HPS3: variants seen among roughly 807,000 people sequenced by gnomAD.
HPS3 encodes BLOC-2 complex member HPS3.
Under a neutral mutation model 110.9 loss-of-function variants are expected in HPS3, and 79 were observed. The ratio of observed to expected loss-of-function variants is 0.71; its 90% CI spans 0.59 to 0.86. HPS3 has a LOEUF of 0.86. Among genes scored for constraint, HPS3 ranks in the 40% least tolerant of loss-of-function variants. The pLI is 0.00. For missense variants in HPS3, 1,197 were observed against 1,206.2 expected, an observed-to-expected ratio of 0.99 and a Z score of 0.11; for synonymous variants, 428 against 451.0, an observed-to-expected ratio of 0.95 and a Z score of 0.65.
In HPS3 at chr3:149,148,399, C is replaced by CTTTTT. The variant is rs66720211; in HGVS notation, c.1164-2183_1164-2179dup. On this transcript the variant is annotated intron_variant, in intron 5 of 16. Transcript: ENST00000296051. ...TCTCCCAGAGTTAAGCATATCAAGA[C>CTTTTT]TTTTTTTTTTTTTTTTTTTTTGAGA... 3.1e-3 allele frequency among the ~76,000 whole-genome samples: 312 copies of CTTTTT among 100,338 alleles called. 10 individuals carry two copies. The highest frequency in any genetic ancestry group is 4.0e-3 in the Non-Finnish European group (213 of 53,258). The allele number at this position is 100,338 out of a possible 152,430, so 65.8% of individuals were successfully genotyped here.
At chr3:149,168,579 G>T (rs1205988541) in intron 16 of HPS3, 1 of 152,254 alleles carries the variant, frequency 6.6e-6, no homozygotes, top group Non-Finnish European at 1.5e-5. Context: ...TAAAATATTA[G>T]AAATTGACAG....
intron 16 of HPS3, among the ~76,000 whole-genome samples, chr3:149,171,020 C>T (rs911845738): frequency 5.3e-5 from 8 of 152,088 alleles, no homozygotes; most frequent in Non-Finnish European, 1.0e-4. Context: ...TGGCTCACGC[C>T]GGTAATCCCA....
chr3:149,139,905 A>G (rs556345307), intron 1 of HPS3, 99 bp from the exon 2 acceptor site: 1 of 1,140,174 alleles, frequency 8.8e-7, no homozygotes, highest in Non-Finnish European at 1.3e-6. Context: ...CTTTAATTCG[A>G]CCATTTGTGT....
intron 1 of HPS3, among the ~76,000 whole-genome samples, chr3:149,138,365 T>C (rs772650053): frequency 1.3e-5 from 2 of 152,214 alleles, no homozygotes; most frequent in African/African-American, 2.4e-5. Context: ...ATTTGCTTAA[T>C]AGTGTTAATA....
chr3:149,150,500 C>T, intron 5 of HPS3, 99 bp from the exon 6 acceptor site: 1 of 828,206 alleles, frequency 1.2e-6, no homozygotes, highest in African/African-American at 1.7e-5. Context: ...TTGACTGTCA[C>T]CCCTGCCCAT....
chr3:149,171,617 T>A (rs553411225), intron 16 of HPS3, among the ~76,000 whole-genome samples: 2 of 152,108 alleles, frequency 1.3e-5, no homozygotes, highest in Admixed American at 1.3e-4. Context: ...AAAAATAAGT[T>A]ACAACCATAA....
chr3:149,138,794 G>A (rs1005929276), intron 1 of HPS3, among the ~76,000 whole-genome samples: 10 of 152,188 alleles, frequency 6.6e-5, no homozygotes, highest in Non-Finnish European at 1.3e-4. Context: ...AGGAAAAGAT[G>A]GCCAGCTTTA....
At position 149,141,150 on chromosome 3, in the gene HPS3, A is replaced by C; in HGVS notation, c.846A>C (p.Glu282Asp). The C allele has an allele frequency of 6.2e-7, 1 of 1,613,926 alleles. No individual in the cohort carries two copies. The highest frequency in any genetic ancestry group is 8.5e-7 in the Non-Finnish European group (1 of 1,179,964). Residue 282 changes from glutamate (E) to aspartate (D), a missense_variant, in exon 3 of 17, where the codon GAA becomes GAC. Physicochemically the swap from Glu to Asp is conservative, Grantham distance 45. Coordinates refer to ENST00000296051, the MANE Select transcript of HPS3 (RefSeq NM_032383.5). ...TGGAGTCTACGGGATTAGCTGATGA[A>C]AAAAGAAAATATTCCCACTTTCAGC... ...VTLESTGLAD[E>D]KRKYSHFQHL...
chr3:149,150,792 T>A, intron 6 of HPS3, 112 bp downstream of exon 6: 1 of 844,404 alleles, frequency 1.2e-6, no homozygotes, highest in Admixed American at 1.8e-5. Context: ...AGCTTAAGGT[T>A]GTCTAATGTA....
chr3:149,132,039 A>G (rs1448014447), intron 1 of HPS3, among the ~76,000 whole-genome samples: 2 of 152,266 alleles, frequency 1.3e-5, no homozygotes, highest in African/African-American at 4.8e-5. Context: ...GTTTAAAGCT[A>G]GCAGAGTTCA....
intron 6 of HPS3, among the ~76,000 whole-genome samples, chr3:149,151,335 A>G (rs917683721): frequency 6.6e-6 from 1 of 151,866 alleles, no homozygotes; most frequent in African/African-American, 2.4e-5. Flanking sequence ...GCCTGGCCCA[A>G]TTGTATTTTA....
intron 8 of HPS3, among the ~76,000 whole-genome samples, chr3:149,156,323 G>A (rs1723455302): frequency 1.3e-5 from 2 of 152,144 alleles, no homozygotes; most frequent in South Asian, 2.1e-4. Context: ...CATTGACACA[G>A]TGCTTTATCT....
intron 1 of HPS3, among the ~76,000 whole-genome samples, chr3:149,134,690 C>T (rs1294124656): frequency 6.6e-6 from 1 of 152,140 alleles, no homozygotes; most frequent in Non-Finnish European, 1.5e-5. Context: ...TGATCTAGAG[C>T]AGTACTGGCT....
chr3:149,131,767 A>G (rs1224320872), intron 1 of HPS3, among the ~76,000 whole-genome samples: 1 of 152,256 alleles, frequency 6.6e-6, no homozygotes, highest in Admixed American at 6.5e-5. Context: ...GCGTGTCAGA[A>G]GCTGAGATAG....
chr3:149,141,565 C>T (rs1158342345), intron 4 of HPS3, among the ~76,000 whole-genome samples, 185 bp downstream of exon 4: 5 of 136,240 alleles, frequency 3.7e-5, no homozygotes, highest in Non-Finnish European at 6.1e-5. Flanking sequence ...GACTGAGTCT[C>T]GCTTTATTGC....
chr3:149,147,498 G>T (rs1022709776), intron 5 of HPS3, among the ~76,000 whole-genome samples: 1 of 152,098 alleles, frequency 6.6e-6, no homozygotes, highest in Non-Finnish European at 1.5e-5. Flanking sequence ...AATGGAAAAA[G>T]GGAAAAGAAA....
At chr3:149,142,430 A>C (rs147275644) in intron 4 of HPS3, among the ~76,000 whole-genome samples, 1 of 152,250 alleles carries the variant, frequency 6.6e-6, no homozygotes, top group East Asian at 1.9e-4. Flanking sequence ...CAATGGGCTT[A>C]CCTGAATGCT....
At chr3:149,135,970 G>A (rs1263388063) in intron 1 of HPS3, among the ~76,000 whole-genome samples, 1 of 152,060 alleles carries the variant, frequency 6.6e-6, no homozygotes, top group African/African-American at 2.4e-5. Flanking sequence ...TGTCATAGGA[G>A]TACAGCCTTT....
In HPS3 at chr3:149,140,114, G is replaced by A; in HGVS notation, c.328G>A (p.Gly110Arg). 1 of 1,613,306 alleles carries A rather than the reference G, an allele frequency of 6.2e-7. No homozygotes were observed. Among genetic ancestry groups the A allele is most frequent in the South Asian group, 1.1e-5 (1 of 90,984 alleles). ...CTCTCGTGTGTGTATCCGAATGATTGGGCATAATGTGGAGGGACCATTCAG... is the reference window on the plus strand; with the variant it reads ...CTCTCGTGTGTGTATCCGAATGATTAGGCATAATGTGGAGGGACCATTCAG... ...ENSRVCIRMI[G>R]HNVEGPFSKA... Residue 110 changes from glycine (G) to arginine (R), a missense_variant, in exon 2 of 17, where the codon GGG (glycine) becomes AGG (arginine). Coordinates refer to ENST00000296051, the MANE Select transcript of HPS3 (RefSeq NM_032383.5).
Sources: gnomAD v4.1 joint callset for allele counts (sites outside exome capture counted in the v4.1 genomes callset) on GRCh38, gnomAD v4.1.1 for gene constraint, MANE v1.5 for transcripts, NCBI Gene and HGNC (gene_info 2026-07-23, HGNC 2026-07-21) for gene names.